CLUL1: variants seen among roughly 807,000 people sequenced by gnomAD.
CLUL1 encodes the protein clusterin like 1, also known as clusterin-like protein 1.
CLUL1 carries 43 observed loss-of-function variants against 49.4 expected under a neutral mutation model. The ratio of observed to expected loss-of-function variants is 0.87; its 90% CI spans 0.68 to 1.12. The LOEUF is 1.12. Among genes scored for constraint, CLUL1 ranks in the 50% most tolerant of loss-of-function variants. The pLI, the probability that CLUL1 is intolerant of heterozygous loss-of-function variation, is 0.00. For missense variants in CLUL1, 486 were observed against 544.4 expected, an observed-to-expected ratio of 0.89 and a Z score of 1.07; for synonymous variants, 192 against 184.9, an observed-to-expected ratio of 1.04 and a Z score of -0.31.
rs763636593 is a variant in CLUL1, at chr18:641,449, T to C, written c.1117T>C (p.Tyr373His). Residue 373 changes from tyrosine to histidine, a missense_variant, in exon 8 of 10, where the codon TAT (tyrosine) becomes CAT (histidine). Coordinates refer to ENST00000692774, the MANE Select transcript of CLUL1 (RefSeq NM_001393344.1). ...CCGGAAGCACTTGGAGGACACCGCC[T>C]ATCTGGTGGAGAAGATGAGAGGGCA... ...MTRKHLEDTA[Y>H]LVEKMRGQFG... 1 of 1,614,226 alleles carries C rather than the reference T, an allele frequency of 6.2e-7. No homozygotes were observed. The highest frequency in any genetic ancestry group is 8.5e-7 in the Non-Finnish European group (1 of 1,180,044).
intron 7 of CLUL1, among the ~76,000 whole-genome samples, chr18:638,238 TTAA>T (rs2074215332): frequency 6.6e-6 from 1 of 152,212 alleles, no homozygotes; most frequent in African/African-American, 2.4e-5. Flanking sequence ...AAATAGACAC[TTAA>T]TATACTGACC....
chr18:634,275 A>G (rs564044222), intron 7 of CLUL1, among the ~76,000 whole-genome samples: 5 of 152,158 alleles, frequency 3.3e-5, no homozygotes, highest in South Asian at 2.1e-4. Flanking sequence ...GATTACAGGC[A>G]TGTGCCACCA....
chr18:644,804 G>C, intron 8 of CLUL1, 106 bp from the exon 9 acceptor site: 1 of 751,226 alleles, frequency 1.3e-6, no homozygotes, highest in South Asian at 2.4e-5. Context: ...GGACTAATCT[G>C]TTACCTCAGC....
chr18:647,974 C>T (rs929806052), intron 9 of CLUL1, among the ~76,000 whole-genome samples: 7 of 152,162 alleles, frequency 4.6e-5, no homozygotes, highest in Non-Finnish European at 4.4e-5. Flanking sequence ...CTCTGCCTGG[C>T]ACAGGGCAAA....
At chr18:625,152 C>T (rs557973772) in intron 5 of CLUL1, 120 bp downstream of exon 5, 2 of 980,292 alleles carry the variant, frequency 2.0e-6, no homozygotes, top group South Asian at 3.6e-5. Flanking sequence ...GGGCCTTTTG[C>T]TTTCTAGAAT....
chr18:606,870 G>T lies in CLUL1; in HGVS notation c.-135-108G>T. 1 of 521,480 alleles carries T rather than the reference G, an allele frequency of 1.9e-6. No homozygotes were observed. Among genetic ancestry groups the T allele is most frequent in the Non-Finnish European group, 3.4e-6 (1 of 293,622 alleles). The allele number at this position is 521,480 out of a possible 1,614,324, so 32.3% of individuals were successfully genotyped here. A position where few individuals can be genotyped will look rare whatever the true frequency, so the allele number is the denominator to read the frequency against. On this transcript the variant is annotated intron_variant, in intron 1 of 9. Coordinates refer to ENST00000692774, the MANE Select transcript of CLUL1 (RefSeq NM_001393344.1). This position sits in a 1 kb window ranked among gnomAD's most constrained non-coding sequence, Gnocchi z 4.1. The stretch of plus-strand genomic sequence containing the variant: ...CCCACCAGCACCCCCCACAAGGCAA[G>T]GCCAGTTCACCCTCAGTGCTCACTA...
chr18:616,162 C>T (rs576862856), intron 2 of CLUL1, among the ~76,000 whole-genome samples: 1 of 152,336 alleles, frequency 6.6e-6, no homozygotes. Flanking sequence ...TTAAGGGCTA[C>T]ATTTTCAGTT....
rs56843590 is a variant in CLUL1 at position 646,026 on chromosome 18, CATG to C, written c.1397+932_1397+934del. On this transcript the variant is annotated intron_variant, in intron 9 of 9. Coordinates refer to ENST00000692774, the MANE Select transcript of CLUL1 (RefSeq NM_001393344.1). ...CTAGTCTTGGAGGTAATAGTATTATCATGATTTTTCAGAAAAAGATCCTGAGGC... is the reference window on the plus strand; with the variant it reads ...CTAGTCTTGGAGGTAATAGTATTATCATTTTTCAGAAAAAGATCCTGAGGC... Among the ~76,000 whole-genome samples the C allele has an allele frequency of 4.0e-3, 608 of 151,248 alleles. 2 individuals are homozygous for C. Among genetic ancestry groups the C allele is most frequent in the African/African-American group, 0.014 (578 of 41,204 alleles).
intron 1 of CLUL1, among the ~76,000 whole-genome samples, chr18:605,919 C>G (rs1440543238): frequency 6.6e-6 from 1 of 152,158 alleles, no homozygotes; most frequent in Non-Finnish European, 1.5e-5. Context: ...CCCTCCTCAG[C>G]CTCCCAAAGT....
At chr18:639,037 A>G (rs954301203) in intron 7 of CLUL1, among the ~76,000 whole-genome samples, 5 of 152,200 alleles carry the variant, frequency 3.3e-5, no homozygotes, top group Admixed American at 2.6e-4. Flanking sequence ...TCATGTGCCT[A>G]TATACATATA....
intron 2 of CLUL1, among the ~76,000 whole-genome samples, chr18:617,136 C>T (rs1460852209): frequency 6.6e-6 from 1 of 152,096 alleles, no homozygotes; most frequent in East Asian, 1.9e-4. Flanking sequence ...GAATTAAACT[C>T]AAAGGGAAAT....
chr18:631,174 A>C (rs1265189423), intron 6 of CLUL1, among the ~76,000 whole-genome samples: 1 of 152,214 alleles, frequency 6.6e-6, no homozygotes, highest in Non-Finnish European at 1.5e-5. Flanking sequence ...ATATCTTGAT[A>C]ATTAATGCTA....
intron 4 of CLUL1, among the ~76,000 whole-genome samples, chr18:620,910 G>T (rs1002193313): frequency 6.6e-6 from 1 of 151,970 alleles, no homozygotes; most frequent in Non-Finnish European, 1.5e-5. Flanking sequence ...AATCAAAGAG[G>T]AAATTAAAAC....
chr18:622,475 C>T (rs1312050147), intron 4 of CLUL1, among the ~76,000 whole-genome samples: 5 of 152,156 alleles, frequency 3.3e-5, no homozygotes, highest in African/African-American at 1.2e-4. Context: ...GTTAATATAG[C>T]GCTTTTGATA....
intron 5 of CLUL1, among the ~76,000 whole-genome samples, chr18:625,236 T>C (rs1321888416): frequency 1.3e-5 from 2 of 152,198 alleles, no homozygotes; most frequent in Non-Finnish European, 2.9e-5. Context: ...CAGTGGTCAC[T>C]GAATGCATCT....
intron 7 of CLUL1, among the ~76,000 whole-genome samples, chr18:635,931 T>G (rs2074124580): frequency 6.6e-6 from 1 of 152,046 alleles, no homozygotes; most frequent in Non-Finnish European, 1.5e-5. Context: ...GAGATGGGGT[T>G]TCACCATATT....
At chr18:616,718 C>G (rs2073303475) in intron 2 of CLUL1, 1 of 984,088 alleles carries the variant, frequency 1.0e-6, no homozygotes, top group Non-Finnish European at 1.2e-6. Context: ...GAAGGTCCTT[C>G]CAGAAGCTGG....
intron 6 of CLUL1, among the ~76,000 whole-genome samples, chr18:630,493 G>T (rs2073961812): frequency 6.6e-6 from 1 of 152,048 alleles, no homozygotes; most frequent in Non-Finnish European, 1.5e-5. Context: ...GTGGAAGAAG[G>T]AGGCAGAAAA....
intron 4 of CLUL1, among the ~76,000 whole-genome samples, chr18:623,333 G>A (rs1257450313): frequency 6.6e-6 from 1 of 152,048 alleles, no homozygotes; most frequent in Admixed American, 6.6e-5. Context: ...GCACCCTGCC[G>A]AAAAACAACC....
Sources: allele counts gnomAD v4.1 joint callset (sites outside exome capture counted in the v4.1 genomes callset), GRCh38; gene constraint gnomAD v4.1.1; non-coding constraint Gnocchi (gnomAD v3.1); transcripts MANE v1.5; gene names NCBI Gene and HGNC (gene_info 2026-07-23, HGNC 2026-07-21).